Variants in SRRM3 observed in about 807,000 individuals in gnomAD.
The protein encoded by SRRM3 is serine/arginine repetitive matrix protein 3.
In SRRM3, 27 loss-of-function variants were observed where a neutral mutation model predicts 66.2. The ratio of observed to expected loss-of-function variants is 0.41; its 90% CI spans 0.30 to 0.56. SRRM3 has a LOEUF of 0.56. Among genes scored for constraint, SRRM3 ranks in the 20% least tolerant of loss-of-function variants. The pLI is 0.32. For synonymous variants in SRRM3, 391 were observed against 414.9 expected, an observed-to-expected ratio of 0.94 and a Z score of 0.70; for missense variants, 918 against 991.9, an observed-to-expected ratio of 0.93 and a Z score of 1.00.
At chr7:76,236,081 G>A (rs1196462967) in intron 2 of SRRM3, among the ~76,000 whole-genome samples, 1 of 149,182 alleles carries the variant, frequency 6.7e-6, no homozygotes, top group African/African-American at 2.5e-5. Flanking sequence ...GGGAGGCCGA[G>A]GCGGGTGGAT....
At chr7:76,244,471 C>G (rs1801387366) in intron 2 of SRRM3, among the ~76,000 whole-genome samples, 1 of 148,818 alleles carries the variant, frequency 6.7e-6, no homozygotes, top group African/African-American at 2.5e-5. Context: ...TTGCAGTGAG[C>G]CGAGATTGTG....
intron 3 of SRRM3, among the ~76,000 whole-genome samples, chr7:76,255,215 T>G (rs1317172951): frequency 1.2e-4 from 17 of 142,556 alleles, no homozygotes; most frequent in Non-Finnish European, 7.6e-5. Flanking sequence ...AGTGGTGCGA[T>G]CTTGGCTCAC....
At chr7:76,264,956 C>T (rs1801971224) in intron 9 of SRRM3, 141 bp downstream of exon 9, 1 of 973,626 alleles carries the variant, frequency 1.0e-6, no homozygotes, top group Non-Finnish European at 1.5e-6. Context: ...AGAAAGAAAG[C>T]CAAGGGCTCT....
intron 2 of SRRM3, among the ~76,000 whole-genome samples, chr7:76,241,304 G>A (rs1282881096): frequency 1.3e-5 from 2 of 152,198 alleles, no homozygotes; most frequent in Non-Finnish European, 2.9e-5. Flanking sequence ...AGTGGTTTGG[G>A]TAGCAGCCTC....
chr7:76,215,892 G>C (rs1554602535), intron 1 of SRRM3, among the ~76,000 whole-genome samples: 1 of 150,380 alleles, frequency 6.6e-6, no homozygotes, highest in Non-Finnish European at 1.5e-5. Context: ...CCGCCTCCCG[G>C]GTTCATGCCA....
chr7:76,211,828 T>TTAA (rs201120331), intron 1 of SRRM3, among the ~76,000 whole-genome samples: 1 of 136,634 alleles, frequency 7.3e-6, no homozygotes. Context: ...ATTATTATTA[T>TTAA]TATTATTATT....
At chr7:76,210,059 G>A (rs1362691049) in intron 1 of SRRM3, among the ~76,000 whole-genome samples, 1 of 152,220 alleles carries the variant, frequency 6.6e-6, no homozygotes, top group Non-Finnish European at 1.5e-5. Flanking sequence ...GAGAGGTCAG[G>A]GAGGTGTCTG....
chr7:76,256,464 G>A (rs954951197), intron 3 of SRRM3, among the ~76,000 whole-genome samples: 2 of 151,204 alleles, frequency 1.3e-5, no homozygotes, highest in Non-Finnish European at 2.9e-5. Context: ...CCGAGATCAC[G>A]CCACTGCACT....
intron 2 of SRRM3, among the ~76,000 whole-genome samples, chr7:76,246,577 TA>T (rs1322095899): frequency 6.6e-6 from 1 of 151,498 alleles, no homozygotes. Flanking sequence ...AAATAAAAAT[TA>T]AAAAAAAGAG....
chr7:76,240,363 G>A (rs1801253372), intron 2 of SRRM3, among the ~76,000 whole-genome samples: 1 of 152,096 alleles, frequency 6.6e-6, no homozygotes, highest in Non-Finnish European at 1.5e-5. Context: ...GCTCATGCCT[G>A]TAATCCCAGC....
intron 1 of SRRM3, among the ~76,000 whole-genome samples, chr7:76,204,499 T>A (rs980292195): frequency 1.3e-5 from 2 of 152,072 alleles, no homozygotes; most frequent in Admixed American, 6.6e-5. Context: ...CAGAGCAAGG[T>A]CTTGGTGCAA....
intron 1 of SRRM3, among the ~76,000 whole-genome samples, chr7:76,234,099 G>A (rs1335780054): frequency 6.6e-6 from 1 of 150,948 alleles, no homozygotes; most frequent in African/African-American, 2.4e-5. Context: ...TGGGAATGAG[G>A]CCTCCCTGTT....
chr7:76,238,925 A>G (rs76657492), intron 2 of SRRM3, among the ~76,000 whole-genome samples: 11,604 of 149,762 alleles, frequency 0.077, 1,052 homozygotes, highest in African/African-American at 0.21. Context: ...GCCTCCCAAA[A>G]TGCTGGGATT....
Position 76,285,981 on chromosome 7 carries a change from T to G in SRRM3, c.*138T>G, listed in dbSNP as rs1233444872. 2 of 956,958 alleles carry G rather than the reference T, an allele frequency of 2.1e-6. No individual in the cohort carries two copies. Among genetic ancestry groups the G allele is most frequent in the African/African-American group, 3.3e-5 (2 of 60,306 alleles). The allele number at this position is 956,958 out of a possible 1,614,324, so 59.3% of individuals were successfully genotyped here. A position where few individuals can be genotyped will look rare whatever the true frequency, so the allele number is the denominator to read the frequency against. Reference sequence around the variant, plus strand: ...GTCTCAGGGCCAGTGCACGGGCAGATGGGACCGGGGAAGACTTTGAGGGTG... The same window carrying G: ...GTCTCAGGGCCAGTGCACGGGCAGAGGGGACCGGGGAAGACTTTGAGGGTG... On this transcript the variant is annotated 3_prime_UTR_variant, in exon 15 of 15. Coordinates refer to ENST00000611745, the MANE Select transcript of SRRM3 (RefSeq NM_001110199.3). The surrounding 1 kb of genome is among the most constrained non-coding windows in gnomAD (Gnocchi z 4.1).
intron 3 of SRRM3, among the ~76,000 whole-genome samples, chr7:76,253,620 CAAAAAAATTAAAAA>C (rs1362480278): frequency 6.7e-6 from 1 of 150,180 alleles, no homozygotes; most frequent in Non-Finnish European, 1.5e-5. Context: ...CACTCCGTCT[CAAAAAAATTAAAAA>C]AATAAAATAA....
chr7:76,245,370 C>A (rs565577503), intron 2 of SRRM3, among the ~76,000 whole-genome samples: 2 of 152,082 alleles, frequency 1.3e-5, no homozygotes, highest in Non-Finnish European at 2.9e-5. Context: ...CATGCTGCCA[C>A]CATGTCTTCT....
intron 3 of SRRM3, among the ~76,000 whole-genome samples, chr7:76,257,672 C>T (rs1369421456): frequency 3.3e-5 from 5 of 151,734 alleles, no homozygotes; most frequent in African/African-American, 1.2e-4. Context: ...ACTCTGGAGG[C>T]TGGAGTGGGA....
At chr7:76,253,779 C>G (rs1255227354) in intron 3 of SRRM3, among the ~76,000 whole-genome samples, 1 of 116,810 alleles carries the variant, frequency 8.6e-6, no homozygotes, top group African/African-American at 3.5e-5. Flanking sequence ...AAGAGTGAAA[C>G]TCTGTTTCAA....
chr7:76,218,291 C>T (rs1225189057), intron 1 of SRRM3, among the ~76,000 whole-genome samples: 3 of 152,228 alleles, frequency 2.0e-5, no homozygotes, highest in African/African-American at 7.2e-5. Flanking sequence ...CATATCTCCA[C>T]CAAGGCCATC....
Sources: gnomAD v4.1 joint callset for allele counts (sites outside exome capture counted in the v4.1 genomes callset) on GRCh38, gnomAD v4.1.1 for gene constraint, Gnocchi (gnomAD v3.1) non-coding constraint, MANE v1.5 for transcripts, NCBI Gene and HGNC (gene_info 2026-07-23, HGNC 2026-07-21) for gene names.